Variants in EPB41L4A observed in about 807,000 individuals in gnomAD.
EPB41L4A encodes erythrocyte membrane protein band 4.1 like 4A, also known as band 4.1-like protein 4A.
EPB41L4A carries 100 observed loss-of-function variants against 108.6 expected under a neutral mutation model. The ratio of observed to expected loss-of-function variants is 0.92; its 90% CI spans 0.78 to 1.09. The LOEUF (loss-of-function observed/expected upper bound fraction) is 1.09. Ranked by LOEUF, EPB41L4A falls within the 50% of genes least tolerant of loss-of-function variation. The pLI is 0.00. For missense variants in EPB41L4A, 1,030 were observed against 842.7 expected, an observed-to-expected ratio of 1.22 and a Z score of -2.75; for synonymous variants, 319 against 289.0, an observed-to-expected ratio of 1.10 and a Z score of -1.05.
At position 112,383,371 on chromosome 5, in the gene EPB41L4A, C is replaced by CA. The variant is rs540029927; in HGVS notation, c.99+35569dup. ...TTTAAAACGTAACCAAAAAATGTGA[C>CA]ATTGCAGGATAACCTTAAAAAGATA... is the stretch of plus-strand genomic sequence containing the variant. On this transcript the variant is annotated intron_variant, in intron 1 of 22. Coordinates refer to ENST00000261486, the MANE Select transcript of EPB41L4A (RefSeq NM_022140.5). Among the ~76,000 whole-genome samples the CA allele has an allele frequency of 8.0e-4, 122 of 152,236 alleles. 1 individual carries two copies. The highest frequency in any genetic ancestry group is 2.9e-3 in the African/African-American group (122 of 41,536).
chr5:112,283,924 A>C, intron 2 of EPB41L4A, among the ~76,000 whole-genome samples: 1 of 152,250 alleles, frequency 6.6e-6, no homozygotes, highest in East Asian at 1.9e-4. Context: ...AAAATCGTTA[A>C]ATAGCATGTT....
At chr5:112,245,908 G>T (rs986683809) in intron 9 of EPB41L4A, among the ~76,000 whole-genome samples, 13 of 152,216 alleles carry the variant, frequency 8.5e-5, no homozygotes, top group Non-Finnish European at 4.4e-5. Flanking sequence ...CAACTCTCAA[G>T]TGACCCAGAA....
chr5:112,255,499 A>G (rs1751019571), intron 9 of EPB41L4A, among the ~76,000 whole-genome samples: 1 of 152,088 alleles, frequency 6.6e-6, no homozygotes, highest in African/African-American at 2.4e-5. Flanking sequence ...GATCTCCTAC[A>G]TTCCTAAATT....
chr5:112,328,607 A>G (rs1172843428), intron 1 of EPB41L4A, among the ~76,000 whole-genome samples: 1 of 152,224 alleles, frequency 6.6e-6, no homozygotes, highest in Non-Finnish European at 1.5e-5. Flanking sequence ...CTCACTCTTC[A>G]TCAAGCTCAC....
chr5:112,146,584 A>T (rs1317901309), intron 12 of EPB41L4A, among the ~76,000 whole-genome samples: 1 of 152,220 alleles, frequency 6.6e-6, no homozygotes, highest in African/African-American at 2.4e-5. Context: ...ATATTTAGTC[A>T]TAAAAATATA....
chr5:112,150,454 G>A (rs1759423955), intron 12 of EPB41L4A, among the ~76,000 whole-genome samples: 2 of 151,272 alleles, frequency 1.3e-5, no homozygotes. Flanking sequence ...CTACATCTTT[G>A]AAAAAAAACA....
chr5:112,212,085 G>A (rs1440250285), intron 12 of EPB41L4A, among the ~76,000 whole-genome samples: 1 of 152,136 alleles, frequency 6.6e-6, no homozygotes, highest in African/African-American at 2.4e-5. Context: ...CGTCAGCAGT[G>A]GCCAGTCACC....
intron 17 of EPB41L4A, among the ~76,000 whole-genome samples, chr5:112,185,899 T>C (rs1337614758): frequency 6.6e-6 from 1 of 152,166 alleles, no homozygotes; most frequent in Non-Finnish European, 1.5e-5. Flanking sequence ...AAAGCCATTC[T>C]GTGTTCATGT....
intron 12 of EPB41L4A, among the ~76,000 whole-genome samples, chr5:112,146,243 G>C (rs1391756382): frequency 6.6e-6 from 1 of 152,136 alleles, no homozygotes; most frequent in Non-Finnish European, 1.5e-5. Flanking sequence ...ATGATTTCTG[G>C]GAAGGTTTCA....
rs890460451 is a variant in EPB41L4A at position 112,282,391 on chromosome 5, A to T, written c.205-2068T>A. Among the ~76,000 whole-genome samples the T allele has an allele frequency of 2.6e-5, 4 of 152,256 alleles. No individual in the cohort carries two copies. In the South Asian group the frequency reaches 8.3e-4, roughly 31 times the overall value. On this transcript the variant is annotated intron_variant, in intron 2 of 22. Coordinates refer to ENST00000261486, the MANE Select transcript of EPB41L4A (RefSeq NM_022140.5). ...TTTTCCAATGAAGAGAAAACCAAGGAAAACAAACGCAAATACTCATTAACA... is the reference window on the plus strand; with the variant it reads ...TTTTCCAATGAAGAGAAAACCAAGGTAAACAAACGCAAATACTCATTAACA...
chr5:112,313,858 C>CTTTTTTTTTTTTTT (rs1188991050), intron 1 of EPB41L4A, among the ~76,000 whole-genome samples: 1 of 89,480 alleles, frequency 1.1e-5, no homozygotes, highest in African/African-American at 4.6e-5. Context: ...AGGTAACTTT[C>CTTTTTTTTTTTTTT]TTTTTTTTTT....
chr5:112,374,476 G>A (rs964011808), intron 1 of EPB41L4A, among the ~76,000 whole-genome samples: 4 of 152,268 alleles, frequency 2.6e-5, no homozygotes, highest in African/African-American at 4.8e-5. Context: ...AAAATGATTC[G>A]CACTATAAAA....
At chr5:112,202,319 G>A (rs541247517) in intron 15 of EPB41L4A, among the ~76,000 whole-genome samples, 86 of 152,126 alleles carry the variant, frequency 5.7e-4, no homozygotes, top group Non-Finnish European at 9.8e-4. Context: ...CTGGTCTCCA[G>A]GTAACACCCA....
chr5:112,328,096 T>C (rs1374774850), intron 1 of EPB41L4A, among the ~76,000 whole-genome samples: 1 of 152,050 alleles, frequency 6.6e-6, no homozygotes, highest in Non-Finnish European at 1.5e-5. Flanking sequence ...GATCACAAAG[T>C]CAGGAGATCG....
intron 1 of EPB41L4A, among the ~76,000 whole-genome samples, chr5:112,358,014 G>C (rs977100474): frequency 2.0e-5 from 3 of 152,244 alleles, no homozygotes; most frequent in African/African-American, 7.2e-5. Context: ...ATGGTGGAAA[G>C]AGTGGAGGCT....
At chr5:112,179,431 C>A (rs1761036224) in intron 18 of EPB41L4A, among the ~76,000 whole-genome samples, 1 of 152,002 alleles carries the variant, frequency 6.6e-6, no homozygotes, top group African/African-American at 2.4e-5. Flanking sequence ...AAAATCTTAA[C>A]AAGGTAATGC....
chr5:112,214,479 G>C (rs1350898299), intron 12 of EPB41L4A, among the ~76,000 whole-genome samples: 1 of 152,122 alleles, frequency 6.6e-6, no homozygotes, highest in African/African-American at 2.4e-5. Context: ...AAACACAGAG[G>C]GCAGCCGGGC....
intron 1 of EPB41L4A, among the ~76,000 whole-genome samples, chr5:112,403,359 G>T (rs73214272): frequency 0.04 from 5,696 of 143,948 alleles, 354 homozygotes; most frequent in African/African-American, 0.13. Context: ...AAAAAGGCAA[G>T]TCAGAGTCTT....
chr5:112,228,092 T>C (rs1748599022), intron 12 of EPB41L4A, among the ~76,000 whole-genome samples: 1 of 152,176 alleles, frequency 6.6e-6, no homozygotes. Context: ...TGGAGTCACC[T>C]GTCACATGGT....
Sources: gnomAD v4.1 joint callset for allele counts (sites outside exome capture counted in the v4.1 genomes callset) on GRCh38, gnomAD v4.1.1 for gene constraint, MANE v1.5 for transcripts, NCBI Gene and HGNC (gene_info 2026-07-23, HGNC 2026-07-21) for gene names.